The following PEPD variants were observed in gnomAD, a reference collection of about 807,000 sequenced individuals.
The protein encoded by PEPD is xaa-Pro dipeptidase.
PEPD carries 53 observed loss-of-function variants against 60.7 expected under a neutral mutation model. The observed-to-expected ratio is 0.87, with a 90% CI of 0.70 to 1.10. The LOEUF is 1.10. PEPD is among the 50% of genes least tolerant of loss of function. PEPD has a pLI of 0.00. For synonymous variants in PEPD, 267 were observed against 284.1 expected (o/e 0.94, Z 0.60); for missense variants, 711 against 711.9 (o/e 1.00, Z 0.01).
chr19:33,472,093 G>A (rs1970131093), intron 7 of PEPD, among the ~76,000 whole-genome samples: 1 of 151,690 alleles, frequency 6.6e-6, no homozygotes, highest in Non-Finnish European at 1.5e-5. Flanking sequence ...CCTGGGAGGC[G>A]GAAGTTGCAG....
chr19:33,494,941 T>C (rs546127248), intron 4 of PEPD, among the ~76,000 whole-genome samples: 4 of 152,264 alleles, frequency 2.6e-5, no homozygotes, highest in African/African-American at 9.6e-5. Context: ...GAGACCATCC[T>C]GGCTAAAACA....
intron 9 of PEPD, among the ~76,000 whole-genome samples, chr19:33,436,754 G>A (rs1379447322): frequency 3.3e-5 from 5 of 152,256 alleles, no homozygotes; most frequent in Admixed American, 2.6e-4. Flanking sequence ...TGCCTTCCGG[G>A]AGGGCCAGGA....
At chr19:33,469,324 G>T (rs982764529) in intron 7 of PEPD, among the ~76,000 whole-genome samples, 1 of 152,170 alleles carries the variant, frequency 6.6e-6, no homozygotes, top group African/African-American at 2.4e-5. Context: ...ACTGGCAATG[G>T]CCAAGCAAGC....
intron 9 of PEPD, among the ~76,000 whole-genome samples, chr19:33,442,206 C>G (rs1414437948): frequency 6.6e-6 from 1 of 152,188 alleles, no homozygotes; most frequent in African/African-American, 2.4e-5. Flanking sequence ...CGAGACCAGC[C>G]TGACCAACAT....
rs376223198 is a variant in PEPD at position 33,513,479 on chromosome 19, C to T, written c.18-703G>A. On this transcript the variant is annotated intron_variant, in intron 1 of 14. Transcript: ENST00000244137. ...GCCATCCTGGCCTCCTATCTCATCC[C>T]ACCTCCTGGCCACCAGCAAGGTCTA... is the stretch of plus-strand genomic sequence containing the variant. Among the ~76,000 whole-genome samples, 11 of 152,272 alleles carry T rather than the reference C, an allele frequency of 7.2e-5. No homozygotes were observed. The East Asian group carries it at 2.1e-3, about 29-fold the overall frequency.
chr19:33,491,864 G>T (rs903874090), intron 5 of PEPD, among the ~76,000 whole-genome samples: 2 of 152,186 alleles, frequency 1.3e-5, no homozygotes, highest in Admixed American at 1.3e-4. Context: ...AGGTTAAATT[G>T]TGGGAGCTAA....
chr19:33,417,013 C>T lies in PEPD; in HGVS notation c.672-3370G>A, dbSNP rs190341295. ...GGACCCACAAATCCAGCCCGTGGAG[C>T]GCTCCCGGGCACACGGCCCAGCTCC... is the stretch of plus-strand genomic sequence containing the variant. On this transcript the variant is annotated intron_variant, in intron 9 of 14. Transcript: ENST00000244137. 3.3e-5 allele frequency among the ~76,000 whole-genome samples: 5 copies of T among 152,294 alleles called. No homozygotes were observed. The East Asian group carries it at 7.7e-4, about 24-fold the overall frequency.
Position 33,391,286 on chromosome 19 carries a change from C to T in PEPD, c.1152+9G>A. Reference sequence around the variant, plus strand: ...GGCAGGCCACTCCGCCTGCCATGTCCACACTGACCTCTGGGTAGCCTCCCA... The same window carrying T: ...GGCAGGCCACTCCGCCTGCCATGTCTACACTGACCTCTGGGTAGCCTCCCA... On this transcript the variant is annotated intron_variant, in intron 13 of 14. Coordinates refer to ENST00000244137, the MANE Select transcript of PEPD (RefSeq NM_000285.4). 1 of 1,608,632 alleles carries T rather than the reference C, an allele frequency of 6.2e-7. No individual in the cohort carries two copies. The highest frequency in any genetic ancestry group is 8.5e-7 in the Non-Finnish European group (1 of 1,177,512).
chr19:33,517,648 A>T (rs1301236003), intron 1 of PEPD, among the ~76,000 whole-genome samples: 2 of 151,760 alleles, frequency 1.3e-5, no homozygotes, highest in Non-Finnish European at 2.9e-5. Context: ...TACCGCACAG[A>T]CAAGGAAAGA....
chr19:33,487,081 G>A (rs2055388062), intron 6 of PEPD: 1 of 152,316 alleles, frequency 6.6e-6, no homozygotes, highest in Non-Finnish European at 1.5e-5. Context: ...GATTCATCTT[G>A]CTTGGGAAAC....
intron 9 of PEPD, among the ~76,000 whole-genome samples, chr19:33,424,187 C>T (rs1969094586): frequency 6.6e-6 from 1 of 152,202 alleles, no homozygotes; most frequent in Non-Finnish European, 1.5e-5. Context: ...GTAGTGACCC[C>T]CTCCAGTAAG....
Position 33,388,191 on chromosome 19 carries a change from A to AAAG in PEPD, c.1153-111_1153-110insCTT, listed in dbSNP as rs746714931. On this transcript the variant is annotated intron_variant, in intron 13 of 14. Coordinates refer to ENST00000244137, the MANE Select transcript of PEPD (RefSeq NM_000285.4). The stretch of plus-strand genomic sequence containing the variant: ...GGTGCCAGTCTCGTGGGCTCTCTTG[A>AAAG]CCATTGGGGTCCTCAGCCTAGACTC... The AAAG allele has an allele frequency of 6.6e-5, 61 of 918,568 alleles. No homozygotes were observed. The Middle Eastern group carries it at 2.5e-3, about 38-fold the overall frequency. The allele number at this position is 918,568 out of a possible 1,614,324, so 56.9% of individuals were successfully genotyped here.
intron 9 of PEPD, among the ~76,000 whole-genome samples, chr19:33,432,507 C>T (rs1969295027): frequency 6.6e-6 from 1 of 152,150 alleles, no homozygotes; most frequent in Admixed American, 6.5e-5. Context: ...TGGGGCAGAA[C>T]CCGCAGCTCT....
intron 9 of PEPD, among the ~76,000 whole-genome samples, chr19:33,444,282 A>C (rs1013688808): frequency 5.9e-5 from 9 of 152,032 alleles, no homozygotes; most frequent in Non-Finnish European, 7.4e-5. Flanking sequence ...CAGAAAGCGC[A>C]GCGCCAGCAC....
chr19:33,444,585 C>T (rs1487750135), intron 9 of PEPD, among the ~76,000 whole-genome samples: 1 of 149,716 alleles, frequency 6.7e-6, no homozygotes, highest in East Asian at 2.0e-4. Flanking sequence ...CTCAGCTTCA[C>T]CTCCAAACTC....
rs532036665 is a variant in PEPD, at chr19:33,498,773, G to A, written c.393+2165C>T. 5.3e-5 allele frequency among the ~76,000 whole-genome samples: 8 copies of A among 151,702 alleles called. No homozygotes were observed. The East Asian group carries it at 1.2e-3, about 23-fold the overall frequency. The stretch of plus-strand genomic sequence containing the variant: ...AGGTGCCCATCCCACCAGGGTCCTC[G>A]AGACAGGGTCCTGGAGGCAGGTGCC... On this transcript the variant is annotated intron_variant, in intron 4 of 14. Transcript: ENST00000244137.
intron 4 of PEPD, among the ~76,000 whole-genome samples, chr19:33,497,680 C>G (rs1970633528): frequency 6.6e-6 from 1 of 152,206 alleles, no homozygotes; most frequent in African/African-American, 2.4e-5. Flanking sequence ...ACTGCAGAAC[C>G]AGCCTGGGGA....
chr19:33,421,985 C>T (rs1475865314), intron 9 of PEPD, among the ~76,000 whole-genome samples: 1 of 152,020 alleles, frequency 6.6e-6, no homozygotes, highest in East Asian at 1.9e-4. Context: ...AGAGTGTGCT[C>T]CACAAACGGA....
At chr19:33,453,345 A>T (rs933214792) in intron 9 of PEPD, among the ~76,000 whole-genome samples, 1 of 102,774 alleles carries the variant, frequency 9.7e-6, no homozygotes, top group Non-Finnish European at 1.9e-5. Flanking sequence ...AATAAATAAA[A>T]AAGCAACAAC....
Sources: allele counts gnomAD v4.1 joint callset (sites outside exome capture counted in the v4.1 genomes callset), GRCh38; gene constraint gnomAD v4.1.1; transcripts MANE v1.5; gene names NCBI Gene and HGNC (gene_info 2026-07-23, HGNC 2026-07-21).